Variants in CASZ1 observed in about 807,000 individuals in gnomAD.
CASZ1 encodes castor zinc finger 1.
Under a neutral mutation model 135.2 loss-of-function variants are expected in CASZ1, and 28 were observed. That is an observed-to-expected ratio of 0.21 (90% CI 0.15 to 0.28). The LOEUF (loss-of-function observed/expected upper bound fraction) is 0.28, where lower values mean the gene tolerates loss of function less well. Ranked by LOEUF, CASZ1 falls within the 10% of genes least tolerant of loss-of-function variation. The pLI is 1.00. For synonymous variants in CASZ1, 1,068 were observed against 1,073.4 expected, an observed-to-expected ratio of 0.99 and a Z score of 0.10; for missense variants, 2,161 against 2,453.3, an observed-to-expected ratio of 0.88 and a Z score of 2.52.
intron 1 of CASZ1, among the ~76,000 whole-genome samples, chr1:10,772,756 T>C (rs920357681): frequency 3.9e-5 from 6 of 152,188 alleles, no homozygotes; most frequent in African/African-American, 1.4e-4. Flanking sequence ...ACAGGTTTGC[T>C]TCACAGACTC....
Position 10,639,098 on chromosome 1 carries a change from CTCGTCGTCGTCCTCGTCG to C in CASZ1, c.5106_5123del (p.Asp1702_Asp1707del). ...TGCGCAGGTCCTCGTCGTCGTCGTCCTCGTCGTCGTCCTCGTCGTCGTCGTCCTCGTCGTCGTCCTCGT... is the reference window on the plus strand; with the variant it reads ...TGCGCAGGTCCTCGTCGTCGTCGTCCTCGTCGTCCTCGTCGTCGTCCTCGT... On this transcript the variant is annotated inframe_deletion, in exon 21 of 21. Transcript: ENST00000377022. The surrounding 1 kb of genome is among the most constrained non-coding windows in gnomAD (Gnocchi z 4.0). 1 of 1,119,746 alleles carries C rather than the reference CTCGTCGTCGTCCTCGTCG, an allele frequency of 8.9e-7. No individual in the cohort carries two copies. 69.4% of individuals were successfully genotyped at this position (1,119,746 alleles called of 1,614,324 possible). A position where few individuals can be genotyped will look rare whatever the true frequency, so the allele number is the denominator to read the frequency against.
chr1:10,657,406 G>A lies in CASZ1; in HGVS notation c.1410-670C>T, dbSNP rs1466998825. ...GAGAGGCCACACCATGACGACTGTGGAGAAGGGTGTGACTCAGCCCGCCTG... is the reference window on the plus strand; with the variant it reads ...GAGAGGCCACACCATGACGACTGTGAAGAAGGGTGTGACTCAGCCCGCCTG... On this transcript the variant is annotated intron_variant, in intron 7 of 20. Coordinates refer to ENST00000377022, the MANE Select transcript of CASZ1 (RefSeq NM_001079843.3). This position sits in a 1 kb window ranked among gnomAD's most constrained non-coding sequence, Gnocchi z 5.7. Among the ~76,000 whole-genome samples, 1 of 152,190 alleles carries A rather than the reference G, an allele frequency of 6.6e-6. No homozygotes were observed. Among genetic ancestry groups the A allele is most frequent in the Non-Finnish European group, 1.5e-5 (1 of 68,034 alleles).
rs1640337237 is a variant in CASZ1, at chr1:10,759,895, CA to C, written c.-77+805del. Among the ~76,000 whole-genome samples, 1 of 151,966 alleles carries C rather than the reference CA, an allele frequency of 6.6e-6. No homozygotes were observed. Among genetic ancestry groups the C allele is most frequent in the Non-Finnish European group, 1.5e-5 (1 of 67,822 alleles). ...AGACCTTGCCCGTGAACTTCGCAAA[CA>C]CCCAATCCCTCTGGACTGGTTTCCT... On this transcript the variant is annotated intron_variant, in intron 2 of 20. Transcript: ENST00000377022. The surrounding 1 kb of genome is among the most constrained non-coding windows in gnomAD (Gnocchi z 4.2).
At position 10,657,732 on chromosome 1, in the gene CASZ1, G is replaced by C. The variant is rs926343812; in HGVS notation, c.1409+776C>G. On this transcript the variant is annotated intron_variant, in intron 7 of 20. Coordinates refer to ENST00000377022, the MANE Select transcript of CASZ1 (RefSeq NM_001079843.3). This position sits in a 1 kb window ranked among gnomAD's most constrained non-coding sequence, Gnocchi z 5.7. ...GAGACAGAGCGGGCGGGAGGAACCT[G>C]GAAGATCTGCGGACAGACAGGCGCC... is the stretch of plus-strand genomic sequence containing the variant. Among the ~76,000 whole-genome samples the C allele has an allele frequency of 6.7e-6, 1 of 148,392 alleles. No homozygotes were observed. The highest frequency in any genetic ancestry group is 2.5e-5 in the African/African-American group (1 of 40,316).
chr1:10,786,887 C>G (rs746347181), intron 1 of CASZ1, among the ~76,000 whole-genome samples: 8 of 152,024 alleles, frequency 5.3e-5, no homozygotes, highest in African/African-American at 4.8e-5. Flanking sequence ...CAACCTGCAA[C>G]CTGACACAAA....
chr1:10,650,524 A>T (rs1475387882), intron 13 of CASZ1, 168 bp downstream of exon 13: 1 of 610,880 alleles, frequency 1.6e-6, no homozygotes, highest in Non-Finnish European at 2.9e-6. Flanking sequence ...ATTTGTAAGC[A>T]GTGGCTCTGA....
rs1157708568 is a variant in CASZ1 at position 10,757,901 on chromosome 1, A to T, written c.-77+2800T>A. On this transcript the variant is annotated intron_variant, in intron 2 of 20. Transcript: ENST00000377022. The surrounding 1 kb of genome is among the most constrained non-coding windows in gnomAD (Gnocchi z 4.6). Reference sequence around the variant, plus strand: ...TCCCAACTTCTCCCCAGGCACACAAAGCCCTGCACCTCCTGACACCCACCT... The same window carrying T: ...TCCCAACTTCTCCCCAGGCACACAATGCCCTGCACCTCCTGACACCCACCT... Among the ~76,000 whole-genome samples the T allele has an allele frequency of 6.6e-6, 1 of 152,120 alleles. No homozygotes were observed. The highest frequency in any genetic ancestry group is 1.5e-5 in the Non-Finnish European group (1 of 68,014).
chr1:10,733,499 T>C (rs1411640501), intron 2 of CASZ1, among the ~76,000 whole-genome samples: 3 of 152,214 alleles, frequency 2.0e-5, no homozygotes, highest in African/African-American at 4.8e-5. Flanking sequence ...CATTAAATGC[T>C]AGAGGCTCTT....
intron 3 of CASZ1, among the ~76,000 whole-genome samples, chr1:10,695,577 G>GCCCCCCCCCCCCCCCCCCC (rs1557514564): frequency 1.3e-4 from 2 of 15,564 alleles, no homozygotes; most frequent in African/African-American, 2.3e-4. Flanking sequence ...TCCCCTCCCC[G>GCCCCCCCCCCCCCCCCCCC]CCACCCCCCC....
Position 10,784,252 on chromosome 1 carries a change from C to T in CASZ1, c.-234+12312G>A, listed in dbSNP as rs75171933. ...CCCTCACGACATCTGGGTGTGCCCC[C>T]GCCCTCCATCTCTATCACTGTCCCA... On this transcript the variant is annotated intron_variant, in intron 1 of 20. Transcript: ENST00000377022. Among the ~76,000 whole-genome samples the T allele has an allele frequency of 1.7e-3, 254 of 152,268 alleles. 9 individuals carry two copies. In the East Asian group the frequency reaches 0.046, roughly 28 times the overall value.
chr1:10,795,296 G>A (rs1244376194), intron 1 of CASZ1, among the ~76,000 whole-genome samples: 1 of 152,166 alleles, frequency 6.6e-6, no homozygotes, highest in East Asian at 1.9e-4. Context: ...TAAGTGACCG[G>A]GAAACCGGCT....
chr1:10,785,195 CCTTT>C (rs1287327066), intron 1 of CASZ1, among the ~76,000 whole-genome samples: 2 of 137,308 alleles, frequency 1.5e-5, no homozygotes, highest in East Asian at 4.2e-4. Flanking sequence ...TCATTCCTTC[CCTTT>C]CTTTCTCTTT....
chr1:10,646,197 G>A lies in CASZ1; in HGVS notation c.3627C>T (p.Pro1209=). The A allele has an allele frequency of 6.2e-7, 1 of 1,614,172 alleles. No individual in the cohort carries two copies. ...CTCGCACGTTCACCAGGTTGTTGTT[G>A]GGGTTGATGTGGTCCAGGCAGTGGG... ...AESHCLDHIN[P]NNNLVNVRDQ... is the part of the protein sequence containing the mutation. The change falls in exon 17 of 21, where the codon CCC becomes CCT. Residue 1209 remains proline, a synonymous_variant. Coordinates refer to ENST00000377022, the MANE Select transcript of CASZ1 (RefSeq NM_001079843.3). The surrounding 1 kb of genome is among the most constrained non-coding windows in gnomAD (Gnocchi z 6.4).
At chr1:10,732,039 T>C (rs540018033) in intron 2 of CASZ1, among the ~76,000 whole-genome samples, 34 of 152,146 alleles carry the variant, frequency 2.2e-4, no homozygotes, top group Admixed American at 1.8e-3. Context: ...ATATAATCCA[T>C]GCAGGCCAGG....
chr1:10,783,871 C>CAA (rs34487572), intron 1 of CASZ1, among the ~76,000 whole-genome samples: 5,000 of 78,212 alleles, frequency 0.064, 251 homozygotes, highest in Non-Finnish European at 0.072. Flanking sequence ...GACTCCGTCT[C>CAA]AAAAAAAAAA....
rs1316981738 is a variant in CASZ1, at chr1:10,647,615, A to G, written c.3497+186T>C. 2.1e-6 allele frequency: 3 copies of G among 1,447,976 alleles called. No individual in the cohort carries two copies. Among genetic ancestry groups the G allele is most frequent in the South Asian group, 2.9e-5 (2 of 69,972 alleles). 89.7% of individuals were successfully genotyped at this position (1,447,976 alleles called of 1,614,324 possible). On this transcript the variant is annotated intron_variant, in intron 16 of 20. Transcript: ENST00000377022. The surrounding 1 kb of genome is among the most constrained non-coding windows in gnomAD (Gnocchi z 4.9). ...CCCACGCGGGCTGGCCTGCTCTGGG[A>G]CAGGCAGTGAGGTAGGAGCAGCAGC...
At chr1:10,789,603 G>A (rs1254375497) in intron 1 of CASZ1, among the ~76,000 whole-genome samples, 3 of 149,838 alleles carry the variant, frequency 2.0e-5, no homozygotes, top group Admixed American at 6.6e-5. Flanking sequence ...CTTTCTCTAC[G>A]TGTCTTTTCC....
chr1:10,725,329 G>A lies in CASZ1; in HGVS notation c.-76-19785C>T, dbSNP rs1639577617. 6.6e-6 allele frequency among the ~76,000 whole-genome samples: 1 copy of A among 152,228 alleles called. No homozygotes were observed. The highest frequency in any genetic ancestry group is 6.5e-5 in the Admixed American group (1 of 15,286). ...CGCCTCCCGCTGCATGCGTGTGGCTGTCAGCTGAGCTCCCCTCCCGCCCTC... is the reference window on the plus strand; with the variant it reads ...CGCCTCCCGCTGCATGCGTGTGGCTATCAGCTGAGCTCCCCTCCCGCCCTC... On this transcript the variant is annotated intron_variant, in intron 2 of 20. Coordinates refer to ENST00000377022, the MANE Select transcript of CASZ1 (RefSeq NM_001079843.3). The surrounding 1 kb of genome is among the most constrained non-coding windows in gnomAD (Gnocchi z 4.4).
At chr1:10,681,438 G>A (rs930831091) in intron 4 of CASZ1, among the ~76,000 whole-genome samples, 1 of 152,104 alleles carries the variant, frequency 6.6e-6, no homozygotes, top group South Asian at 2.1e-4. Flanking sequence ...CCCCCTCAGC[G>A]GCAGAAACTG....
Sources: gnomAD v4.1 joint callset for allele counts (sites outside exome capture counted in the v4.1 genomes callset) on GRCh38, gnomAD v4.1.1 for gene constraint, Gnocchi (gnomAD v3.1) non-coding constraint, MANE v1.5 for transcripts, NCBI Gene and HGNC (gene_info 2026-07-23, HGNC 2026-07-21) for gene names.